The following ATG10 variants were observed in gnomAD, a reference collection of about 807,000 sequenced individuals.
ATG10 encodes the protein ubiquitin-like-conjugating enzyme ATG10.
In ATG10, 30 loss-of-function variants were observed where a neutral mutation model predicts 32.1. The ratio of observed to expected loss-of-function variants is 0.94; its 90% CI spans 0.70 to 1.27. ATG10 has a LOEUF of 1.27. ATG10 is among the 50% of genes most tolerant of loss of function. The pLI is 0.00. For synonymous variants in ATG10, 87 were observed against 91.5 expected, an observed-to-expected ratio of 0.95 and a Z score of 0.28; for missense variants, 233 against 262.3, an observed-to-expected ratio of 0.89 and a Z score of 0.77.
At chr5:82,236,724 T>C (rs183259721) in intron 5 of ATG10, among the ~76,000 whole-genome samples, 23 of 152,338 alleles carry the variant, frequency 1.5e-4, no homozygotes, top group African/African-American at 5.0e-4. Flanking sequence ...TGTTGTTGTT[T>C]AAACCACCTT....
At chr5:82,131,934 T>C (rs1345317883) in intron 3 of ATG10, among the ~76,000 whole-genome samples, 1 of 151,974 alleles carries the variant, frequency 6.6e-6, no homozygotes, top group Non-Finnish European at 1.5e-5. Flanking sequence ...GGAACAGGCA[T>C]GTCACATGGC....
At chr5:82,064,262 T>C (rs945213579) in intron 3 of ATG10, among the ~76,000 whole-genome samples, 2 of 152,224 alleles carry the variant, frequency 1.3e-5, no homozygotes, top group Non-Finnish European at 2.9e-5. Context: ...CTTATTTTAC[T>C]ATGGTCCTTG....
chr5:82,211,325 C>G (rs1329344496), intron 5 of ATG10, among the ~76,000 whole-genome samples: 1 of 152,058 alleles, frequency 6.6e-6, no homozygotes, highest in African/African-American at 2.4e-5. Context: ...TTTATTATTT[C>G]TTATATATAA....
intron 5 of ATG10, among the ~76,000 whole-genome samples, chr5:82,210,095 G>A (rs1745440112): frequency 6.6e-6 from 1 of 152,130 alleles, no homozygotes; most frequent in South Asian, 2.1e-4. Context: ...TGAAGTCCAT[G>A]TCTGTTAATT....
At chr5:81,992,560 C>G (rs1397063561) in intron 2 of ATG10, 4 of 152,064 alleles carry the variant, frequency 2.6e-5, no homozygotes, top group Admixed American at 6.6e-5. Flanking sequence ...CGCCACCAGG[C>G]CCAGCTAATT....
At chr5:82,252,944 A>G (rs1747324539) in intron 6 of ATG10, among the ~76,000 whole-genome samples, 1 of 152,196 alleles carries the variant, frequency 6.6e-6, no homozygotes, top group Non-Finnish European at 1.5e-5. Flanking sequence ...TCACACAGCT[A>G]GTTAAGTGGT....
intron 5 of ATG10, among the ~76,000 whole-genome samples, chr5:82,217,778 G>A (rs1196107893): frequency 1.3e-5 from 2 of 149,704 alleles, no homozygotes; most frequent in African/African-American, 5.0e-5. Flanking sequence ...TTTGAGGCCA[G>A]CCTGGGCAAT....
intron 5 of ATG10, among the ~76,000 whole-genome samples, chr5:82,231,596 G>A (rs1746370278): frequency 6.6e-6 from 1 of 152,136 alleles, no homozygotes; most frequent in Admixed American, 6.5e-5. Context: ...ATGCCTCATA[G>A]TAGCCAGGTT....
intron 3 of ATG10, among the ~76,000 whole-genome samples, chr5:82,159,878 C>T (rs756601440): frequency 1.3e-5 from 2 of 152,040 alleles, no homozygotes; most frequent in African/African-American, 4.8e-5. Flanking sequence ...TTGAGATAAC[C>T]ATAGGTTCAC....
chr5:82,097,098 T>A (rs1765095014), intron 3 of ATG10, among the ~76,000 whole-genome samples: 1 of 152,168 alleles, frequency 6.6e-6, no homozygotes, highest in Admixed American at 6.6e-5. Flanking sequence ...TTTTGTTATA[T>A]GTTTTGTAGA....
intron 3 of ATG10, among the ~76,000 whole-genome samples, chr5:82,066,366 G>A (rs758521387): frequency 5.3e-5 from 8 of 152,126 alleles, no homozygotes; most frequent in Non-Finnish European, 1.0e-4. Context: ...GGTATCAGAG[G>A]TGGGTACCAA....
chr5:81,993,369 T>C (rs999384393), intron 2 of ATG10, among the ~76,000 whole-genome samples: 1 of 38,028 alleles, frequency 2.6e-5, no homozygotes, highest in Non-Finnish European at 4.9e-5. Flanking sequence ...CCTTCTTTTC[T>C]TTTCTTTTCT....
intron 2 of ATG10, among the ~76,000 whole-genome samples, chr5:82,018,599 T>C (rs1459103162): frequency 6.6e-6 from 1 of 152,174 alleles, no homozygotes; most frequent in African/African-American, 2.4e-5. Context: ...ATCACAACTG[T>C]CCAGGCACGC....
chr5:82,125,987 C>T (rs1766261574), intron 3 of ATG10, among the ~76,000 whole-genome samples: 1 of 150,782 alleles, frequency 6.6e-6, no homozygotes, highest in African/African-American at 2.4e-5. Flanking sequence ...TGAAGAGGTC[C>T]TTCACATCCT....
chr5:81,973,754 T>C (rs942429746), intron 1 of ATG10, among the ~76,000 whole-genome samples: 1 of 152,148 alleles, frequency 6.6e-6, no homozygotes, highest in African/African-American at 2.4e-5. Flanking sequence ...CCAGAGGAAA[T>C]GTTACAGAAC....
At chr5:81,995,199 C>T (rs756503692) in intron 2 of ATG10, among the ~76,000 whole-genome samples, 10 of 152,116 alleles carry the variant, frequency 6.6e-5, no homozygotes, top group Non-Finnish European at 1.3e-4. Context: ...GGCACGATCT[C>T]GACTCACTGC....
intron 3 of ATG10, among the ~76,000 whole-genome samples, chr5:82,150,464 A>T (rs72776883): frequency 6.6e-6 from 1 of 152,306 alleles, no homozygotes; most frequent in Non-Finnish European, 1.5e-5. Flanking sequence ...TTACCAGCCT[A>T]AGCTTCTTTT....
intron 2 of ATG10, among the ~76,000 whole-genome samples, chr5:82,040,286 G>T (rs531870717): frequency 6.6e-6 from 1 of 152,174 alleles, no homozygotes; most frequent in Admixed American, 6.5e-5. Context: ...CAAAATAAAG[G>T]CAACATTGAA....
intron 2 of ATG10, among the ~76,000 whole-genome samples, chr5:82,016,723 C>G (rs1298845696): frequency 2.0e-5 from 3 of 149,810 alleles, no homozygotes; most frequent in Non-Finnish European, 4.4e-5. Flanking sequence ...GAGTCTTGCT[C>G]TGTTGCCCAG....
Sources: gnomAD v4.1 joint callset for allele counts (sites outside exome capture counted in the v4.1 genomes callset) on GRCh38, gnomAD v4.1.1 for gene constraint, MANE v1.5 for transcripts, NCBI Gene and HGNC (gene_info 2026-07-23, HGNC 2026-07-21) for gene names.